Variants in CCNY observed in about 807,000 individuals in gnomAD.
CCNY encodes cyclin Y.
A neutral mutation model predicts 42.8 loss-of-function variants in CCNY; 19 were observed. That is an observed-to-expected ratio of 0.44 (90% CI 0.31 to 0.65). The LOEUF (loss-of-function observed/expected upper bound fraction) is 0.65. Among genes scored for constraint, CCNY ranks in the 30% least tolerant of loss-of-function variants. CCNY has a pLI of 0.07. For missense variants in CCNY, 370 were observed against 437.3 expected (o/e 0.85, Z 1.37); for synonymous variants, 165 against 162.7 (o/e 1.01, Z -0.11).
At chr10:35,374,017 C>G (rs994432988) in intron 1 of CCNY, among the ~76,000 whole-genome samples, 20 of 152,136 alleles carry the variant, frequency 1.3e-4, no homozygotes, top group African/African-American at 4.8e-4. Flanking sequence ...AAATTGGGAA[C>G]TGGTTGGAAA....
chr10:35,389,125 G>T (rs1271537650), intron 1 of CCNY, among the ~76,000 whole-genome samples: 2 of 152,150 alleles, frequency 1.3e-5, no homozygotes, highest in Non-Finnish European at 2.9e-5. Flanking sequence ...GACATCTTTG[G>T]GGACGTTATT....
chr10:35,472,316 T>C (rs1839406999), intron 1 of CCNY, among the ~76,000 whole-genome samples: 1 of 152,252 alleles, frequency 6.6e-6, no homozygotes, highest in South Asian at 2.1e-4. Context: ...TTTTACATTT[T>C]AAAATGTGTA....
intron 8 of CCNY, among the ~76,000 whole-genome samples, chr10:35,565,581 G>A (rs1033728697): frequency 1.3e-5 from 2 of 152,150 alleles, no homozygotes; most frequent in East Asian, 1.9e-4. Context: ...CTCCCTGGAG[G>A]TAGGGAGGGG....
intron 3 of CCNY, among the ~76,000 whole-genome samples, chr10:35,510,554 C>T (rs111656577): frequency 0.031 from 4,781 of 152,144 alleles, 235 homozygotes; most frequent in African/African-American, 0.11. Context: ...TCCTAACAAA[C>T]CTTTCTAAGA....
intron 1 of CCNY, among the ~76,000 whole-genome samples, chr10:35,356,465 G>C (rs534342049): frequency 6.6e-6 from 1 of 152,128 alleles, no homozygotes; most frequent in Non-Finnish European, 1.5e-5. Context: ...ATGACTCCGC[G>C]TGGGGGTAGC....
At chr10:35,461,681 C>A (rs1420436433) in intron 1 of CCNY, among the ~76,000 whole-genome samples, 2 of 152,082 alleles carry the variant, frequency 1.3e-5, no homozygotes, top group Non-Finnish European at 2.9e-5. Flanking sequence ...TACTTGGGAC[C>A]ACTTGATGAA....
chr10:35,249,715 T>C (rs2095710474), intron 2 of CCNY, among the ~76,000 whole-genome samples: 1 of 152,196 alleles, frequency 6.6e-6, no homozygotes, highest in South Asian at 2.1e-4. Context: ...TAGGGAGTCC[T>C]TGCAGAAAAA....
At chr10:35,477,192 A>G (rs7089169) in intron 1 of CCNY, among the ~76,000 whole-genome samples, 61,407 of 151,714 alleles carry the variant, frequency 0.4, 13,572 homozygotes, top group African/African-American at 0.59. Context: ...ATTCACAGCC[A>G]AATTCTACCA....
chr10:35,444,435 A>G (rs888366500), intron 1 of CCNY, among the ~76,000 whole-genome samples: 1 of 152,090 alleles, frequency 6.6e-6, no homozygotes, highest in African/African-American at 2.4e-5. Flanking sequence ...TTGAGTAGAT[A>G]AGGGGTTTCA....
intron 3 of CCNY, among the ~76,000 whole-genome samples, chr10:35,301,590 TC>T (rs1164550615): frequency 6.6e-6 from 1 of 152,196 alleles, no homozygotes; most frequent in Non-Finnish European, 1.5e-5. Flanking sequence ...AGCAGTCTTT[TC>T]TTATTTTTTT....
At chr10:35,468,070 G>T (rs987188824) in intron 1 of CCNY, among the ~76,000 whole-genome samples, 1 of 152,244 alleles carries the variant, frequency 6.6e-6, no homozygotes, top group Admixed American at 6.5e-5. Context: ...CTTATAAGCC[G>T]TAGAAATGTA....
chr10:35,313,668 A>G (rs946527091), intron 3 of CCNY, among the ~76,000 whole-genome samples: 1 of 152,182 alleles, frequency 6.6e-6, no homozygotes, highest in Non-Finnish European at 1.5e-5. Context: ...GTTCTGTATA[A>G]ATTACTAAGA....
chr10:35,250,221 C>G (rs772927336), intron 2 of CCNY, among the ~76,000 whole-genome samples: 8 of 143,922 alleles, frequency 5.6e-5, no homozygotes, highest in Non-Finnish European at 9.0e-5. Context: ...AAGAAGTAGT[C>G]GGATGTGGTG....
At chr10:35,545,239 T>G (rs181338903) in intron 7 of CCNY, among the ~76,000 whole-genome samples, 1 of 152,200 alleles carries the variant, frequency 6.6e-6, no homozygotes, top group South Asian at 2.1e-4. Context: ...TTGCTTCAGG[T>G]GGGAGGGAGC....
At chr10:35,261,106 C>A (rs2095719198) in intron 3 of CCNY, among the ~76,000 whole-genome samples, 1 of 151,458 alleles carries the variant, frequency 6.6e-6, no homozygotes, top group Non-Finnish European at 1.5e-5. Context: ...CAATAATCTG[C>A]CTTAAAAAAA....
rs1841402684 is a variant in CCNY at position 35,558,438 on chromosome 10, T to TTG, written c.746+5253_746+5254insTG. On this transcript the variant is annotated intron_variant, in intron 8 of 9. Coordinates refer to ENST00000374704, the MANE Select transcript of CCNY (RefSeq NM_145012.6). ...GCATGCTTAGAGACACTTTCTGTAC[T>TTG]ATAAATTGAATGCATATCCCAGCTT... Among the ~76,000 whole-genome samples the TTG allele has an allele frequency of 2.0e-5, 3 of 152,234 alleles. No individual in the cohort carries two copies. The East Asian group carries it at 5.8e-4, about 29-fold the overall frequency.
intron 1 of CCNY, among the ~76,000 whole-genome samples, chr10:35,437,802 A>G (rs1254481232): frequency 6.6e-6 from 1 of 152,224 alleles, no homozygotes; most frequent in Non-Finnish European, 1.5e-5. Context: ...TCCTGGAAGC[A>G]CTGTTTTACT....
At chr10:35,254,219 A>G (rs981979133) in intron 3 of CCNY, among the ~76,000 whole-genome samples, 1 of 152,070 alleles carries the variant, frequency 6.6e-6, no homozygotes, top group African/African-American at 2.4e-5. Flanking sequence ...GTCTTATACT[A>G]GTTTATTTTC....
At chr10:35,362,244 A>T (rs1256899659) in intron 1 of CCNY, among the ~76,000 whole-genome samples, 2 of 152,248 alleles carry the variant, frequency 1.3e-5, no homozygotes, top group African/African-American at 4.8e-5. Flanking sequence ...TATGTTGTAC[A>T]GAAGTAGGTG....
Sources: gnomAD v4.1 joint callset for allele counts (sites outside exome capture counted in the v4.1 genomes callset) on GRCh38, gnomAD v4.1.1 for gene constraint, MANE v1.5 for transcripts, NCBI Gene and HGNC (gene_info 2026-07-23, HGNC 2026-07-21) for gene names.